LIPC: variants seen among roughly 807,000 people sequenced by gnomAD.
The protein encoded by LIPC is lipase C, hepatic type.
LIPC carries 44 observed loss-of-function variants against 50.7 expected under a neutral mutation model. That is an observed-to-expected ratio of 0.87 (90% confidence interval 0.68 to 1.11). The LOEUF is 1.11. LIPC is among the 50% of genes most tolerant of loss of function. LIPC has a pLI of 0.00. For synonymous variants in LIPC, 271 were observed against 256.4 expected (o/e 1.06, Z -0.54); for missense variants, 697 against 648.2 (o/e 1.08, Z -0.82).
At chr15:58,566,512 TC>T in intron 8 of LIPC, 2 of 947,888 alleles carry the variant, frequency 2.1e-6, no homozygotes, top group Non-Finnish European at 2.5e-6. Context: ...CAGACCAAAA[TC>T]CCAGAATCGG....
intron 8 of LIPC, chr15:58,566,379 A>G (rs1894366001): frequency 1.0e-6 from 1 of 985,306 alleles, no homozygotes; most frequent in South Asian, 4.7e-5. Flanking sequence ...TTCACTGCTC[A>G]CAATCTGTGT....
chr15:58,537,823 G>A (rs1186342497), intron 1 of LIPC, among the ~76,000 whole-genome samples: 1 of 152,052 alleles, frequency 6.6e-6, no homozygotes, highest in Admixed American at 6.5e-5. Context: ...GTCCCTGCAA[G>A]GCTTACCTGA....
chr15:58,555,919 C>G (rs1180747815), intron 6 of LIPC, among the ~76,000 whole-genome samples: 1 of 152,124 alleles, frequency 6.6e-6, no homozygotes, highest in Admixed American at 6.5e-5. Context: ...CCTGCTAGTG[C>G]CTCTCCCTCC....
chr15:58,447,881 G>T (rs933425990), intron 1 of LIPC, among the ~76,000 whole-genome samples: 1 of 152,146 alleles, frequency 6.6e-6, no homozygotes, highest in African/African-American at 2.4e-5. Flanking sequence ...TAAATATAAG[G>T]CAGTGTTCTA....
chr15:58,488,127 C>T (rs554839615), intron 1 of LIPC, among the ~76,000 whole-genome samples: 195 of 152,266 alleles, frequency 1.3e-3, no homozygotes, highest in African/African-American at 4.5e-3. Context: ...AAAAATTAGC[C>T]GGGCATGGTA....
intron 1 of LIPC, chr15:58,497,778 C>T (rs1422239077): frequency 1.3e-5 from 2 of 152,300 alleles, no homozygotes; most frequent in Non-Finnish European, 2.9e-5. Context: ...TGCCCATCTG[C>T]CTGTCTTTGT....
intron 6 of LIPC, among the ~76,000 whole-genome samples, chr15:58,549,242 G>A (rs1211049131): frequency 3.3e-5 from 5 of 152,174 alleles, no homozygotes; most frequent in African/African-American, 7.2e-5. Context: ...GGAACAAGCC[G>A]ACATCTGTTG....
chr15:58,442,973 C>T (rs1336801602), intron 1 of LIPC, among the ~76,000 whole-genome samples: 1 of 152,160 alleles, frequency 6.6e-6, no homozygotes, highest in Non-Finnish European at 1.5e-5. Context: ...AGTGCAGTGG[C>T]GTGATCTCAG....
At chr15:58,483,637 T>C (rs1346935165) in intron 1 of LIPC, among the ~76,000 whole-genome samples, 3 of 152,182 alleles carry the variant, frequency 2.0e-5, no homozygotes, top group African/African-American at 7.2e-5. Flanking sequence ...AGATACTTCA[T>C]CTATTTTCTA....
chr15:58,501,550 G>C (rs1891985861), intron 1 of LIPC, among the ~76,000 whole-genome samples: 1 of 152,062 alleles, frequency 6.6e-6, no homozygotes, highest in African/African-American at 2.4e-5. Flanking sequence ...GGAGAAAAGG[G>C]AAACTTAATT....
chr15:58,497,937 A>G (rs1438077932), intron 1 of LIPC: 1 of 151,974 alleles, frequency 6.6e-6, no homozygotes, highest in African/African-American at 2.4e-5. Context: ...TTCATGATGT[A>G]TTTTTTTTCT....
intron 1 of LIPC, among the ~76,000 whole-genome samples, chr15:58,531,544 ACT>A (rs1892959395): frequency 6.8e-6 from 1 of 146,888 alleles, no homozygotes; most frequent in Admixed American, 7.1e-5. Flanking sequence ...AAGAAAAAAG[ACT>A]CTACTTACTT....
chr15:58,450,270 C>T (rs1428386335), intron 1 of LIPC, among the ~76,000 whole-genome samples: 1 of 152,190 alleles, frequency 6.6e-6, no homozygotes, highest in Non-Finnish European at 1.5e-5. Context: ...CACTGAAGAG[C>T]TTTTTAAAAC....
At position 58,557,448 on chromosome 15, in the gene LIPC, G is replaced by A. The variant is rs529784089; in HGVS notation, c.1052-3416G>A. On this transcript the variant is annotated intron_variant, in intron 6 of 8. Transcript: ENST00000299022. ...CACCCAGGCTGGAGCGCAGTGGCGC[G>A]ATCTCAGCTCACTGTAAGCTCCACC... Among the ~76,000 whole-genome samples, 559 of 138,040 alleles carry A rather than the reference G, an allele frequency of 4.0e-3. 5 individuals carry two copies. The highest frequency in any genetic ancestry group is 0.015 in the African/African-American group (538 of 35,958). The allele number at this position is 138,040 out of a possible 152,430, so 90.6% of individuals were successfully genotyped here.
intron 1 of LIPC, chr15:58,494,673 T>C (rs1381809194): frequency 6.8e-6 from 3 of 439,218 alleles, no homozygotes; most frequent in East Asian, 7.0e-5. Context: ...ATATTTCACA[T>C]TGCCAATACC....
intron 1 of LIPC, among the ~76,000 whole-genome samples, chr15:58,517,226 A>C (rs1892511467): frequency 1.3e-5 from 2 of 152,232 alleles, no homozygotes; most frequent in African/African-American, 4.8e-5. Context: ...AAAGATCCCC[A>C]AGGTTTTGAC....
At chr15:58,441,804 G>C (rs1207735801) in intron 1 of LIPC, among the ~76,000 whole-genome samples, 4 of 152,184 alleles carry the variant, frequency 2.6e-5, no homozygotes, top group Admixed American at 1.3e-4. Flanking sequence ...GGGCTGAGCT[G>C]GCTTTGATAC....
intron 1 of LIPC, among the ~76,000 whole-genome samples, chr15:58,523,830 G>A (rs1327318676): frequency 6.6e-6 from 1 of 152,126 alleles, no homozygotes; most frequent in Non-Finnish European, 1.5e-5. Flanking sequence ...AGCTACTTGA[G>A]AAGCTGAGGA....
In LIPC at chr15:58,569,308, G is replaced by C. The variant is rs1393766460; in HGVS notation, c.*481G>C. ...TAAGACAATACAGTTCTTAAAAGAA[G>C]AAAAATTATAATTATTCTAATATTT... On this transcript the variant is annotated 3_prime_UTR_variant, in exon 9 of 9. Coordinates refer to ENST00000299022, the MANE Select transcript of LIPC (RefSeq NM_000236.3). 6.6e-6 allele frequency: 1 copy of C among 152,090 alleles called. No individual in the cohort carries two copies. Among genetic ancestry groups the C allele is most frequent in the Non-Finnish European group, 1.5e-5 (1 of 68,024 alleles). 9.4% of individuals were successfully genotyped at this position (152,090 alleles called of 1,614,324 possible).
Sources: allele counts gnomAD v4.1 joint callset (sites outside exome capture counted in the v4.1 genomes callset), GRCh38; gene constraint gnomAD v4.1.1; transcripts MANE v1.5; gene names NCBI Gene and HGNC (gene_info 2026-07-23, HGNC 2026-07-21).